Variants in CROCC observed in about 807,000 individuals in gnomAD.
CROCC encodes rootletin.
In CROCC, 180 loss-of-function variants were observed where a neutral mutation model predicts 245.2. The observed-to-expected ratio is 0.73, with a 90% CI of 0.65 to 0.83. The LOEUF is 0.83. CROCC is among the 40% of genes least tolerant of loss of function. CROCC has a pLI of 0.00. For missense variants in CROCC, 2,688 were observed against 2,779.4 expected, an observed-to-expected ratio of 0.97 and a Z score of 0.74; for synonymous variants, 1,205 against 1,241.6, an observed-to-expected ratio of 0.97 and a Z score of 0.62.
intron 35 of CROCC, 94 bp from the exon 36 acceptor site, chr1:16,971,371 T>C (rs370183617): frequency 1.6e-5 from 23 of 1,435,274 alleles, no homozygotes; most frequent in East Asian, 1.0e-4. Flanking sequence ...CCCTCTGCAC[T>C]GGCCGTGTCC....
intron 14 of CROCC, 143 bp downstream of exon 14, chr1:16,944,425 G>A: frequency 1.0e-6 from 1 of 958,326 alleles, no homozygotes; most frequent in East Asian, 2.9e-5. Context: ...TTTCTAACCA[G>A]ACCCATTTCA....
rs774406557 is a variant in CROCC, at chr1:16,969,385, C to T, written c.5301+45C>T. The T allele has an allele frequency of 4.5e-6, 7 of 1,559,042 alleles. No individual in the cohort carries two copies. In the South Asian group the frequency reaches 8.1e-5, roughly 18 times the overall value. ...GCTGGGGTGGGCCCAGTGAGAGAGT[C>T]AGCCAGTAAGAGCAGGCTTGGAGGG... On this transcript the variant is annotated intron_variant, in intron 32 of 36. Transcript: ENST00000375541.
chr1:16,963,417 G>A lies in CROCC; in HGVS notation c.4405+2287G>A, dbSNP rs75504089. 3.8e-3 allele frequency among the ~76,000 whole-genome samples: 575 copies of A among 152,132 alleles called. 19 individuals are homozygous for A. The East Asian group carries it at 0.073, about 19-fold the overall frequency. On this transcript the variant is annotated intron_variant, in intron 27 of 36. Transcript: ENST00000375541. ...AAGCAGGGGGGTGAGATTTGGGGAC[G>A]AAGGGCTTGCTCCAATAGACATTAT...
At chr1:16,919,634 C>G (rs745601969), upstream of CROCC, among the ~76,000 whole-genome samples, 9 of 152,292 alleles carry the variant, frequency 5.9e-5, no homozygotes, top group Non-Finnish European at 1.0e-4. Context: ...TTAGGGCTTA[C>G]AACTCTAAGG....
At chr1:16,923,628 G>A (rs1173452681) in intron 2 of CROCC, among the ~76,000 whole-genome samples, 8 of 151,942 alleles carry the variant, frequency 5.3e-5, no homozygotes, top group African/African-American at 9.7e-5. Context: ...TCTCTTGAGC[G>A]AGGCTTTGAT....
At chr1:16,943,921 T>C (rs2075988679) in intron 13 of CROCC, among the ~76,000 whole-genome samples, 179 bp from the exon 14 acceptor site, 1 of 152,278 alleles carries the variant, frequency 6.6e-6, no homozygotes. Context: ...CAGGTTCTTC[T>C]GCTGGAGTGT....
At position 16,972,380 on chromosome 1, in the gene CROCC, G is replaced by C; in HGVS notation, c.5988G>C (p.Gln1996His). The C allele has an allele frequency of 6.2e-7, 1 of 1,614,028 alleles. No individual in the cohort carries two copies. Among genetic ancestry groups the C allele is most frequent in the Non-Finnish European group, 8.5e-7 (1 of 1,179,934 alleles). ...CCCAGGTGTCCACACTGAAGGGCCAGCTGCAGCAGGAGCTTCGAAGGAGCT... is the reference window on the plus strand; with the variant it reads ...CCCAGGTGTCCACACTGAAGGGCCACCTGCAGCAGGAGCTTCGAAGGAGCT... ...LEEQVSTLKG[Q>H]LQQELRRSSA... Residue 1996 changes from glutamine to histidine, a missense_variant, in exon 37 of 37, where the codon CAG becomes CAC. By Grantham distance (24) the Gln-to-His change is conservative. Coordinates refer to ENST00000375541, the MANE Select transcript of CROCC (RefSeq NM_014675.5).
At chr1:16,971,751 C>A in intron 36 of CROCC, 104 bp downstream of exon 36, 1 of 1,190,260 alleles carries the variant, frequency 8.4e-7, no homozygotes. Flanking sequence ...TCGATGGCTC[C>A]CGTAACCGAA....
rs1325945859 is a variant in CROCC at position 16,946,925 on chromosome 1, G to C, written c.2448G>C (p.Glu816Asp). ...TACGAGTGGCGGAGCAGGCCCAGGA[G>C]GCATTGGAGCAGCAGCTCCCCACGC... Reference protein sequence around the residue: ...GSLRVAEQAQEALEQQLPTLR... With the variant: ...GSLRVAEQAQDALEQQLPTLR... The change falls in exon 17 of 37, where the codon GAG (glutamate) becomes GAC (aspartate). Residue 816 changes from glutamate to aspartate, a missense_variant. By Grantham distance (45) the Glu-to-Asp change is conservative (BLOSUM62 2). Transcript: ENST00000375541. The C allele has an allele frequency of 4.5e-6, 7 of 1,563,552 alleles. No homozygotes were observed. The highest frequency in any genetic ancestry group is 6.1e-6 in the Non-Finnish European group (7 of 1,154,556).
chr1:16,920,494 G>T (rs1241482822), upstream of CROCC, among the ~76,000 whole-genome samples: 1 of 152,246 alleles, frequency 6.6e-6, no homozygotes, highest in Non-Finnish European at 1.5e-5. Context: ...CACCTGGCCT[G>T]GTTTAGTCTC....
At chr1:16,927,735 C>T (rs2075568381) in intron 3 of CROCC, among the ~76,000 whole-genome samples, 2 of 152,296 alleles carry the variant, frequency 1.3e-5, no homozygotes, top group Non-Finnish European at 2.9e-5. Flanking sequence ...GCCACCGCCA[C>T]CACACACAGA....
upstream of CROCC, among the ~76,000 whole-genome samples, chr1:16,920,082 ATT>A (rs2075371375): frequency 7.9e-6 from 1 of 126,294 alleles, no homozygotes; most frequent in Admixed American, 8.0e-5. Context: ...TTATTTATTT[ATT>A]TATTTATATT....
At chr1:16,939,588 G>A (rs1289674458) in intron 12 of CROCC, among the ~76,000 whole-genome samples, 1 of 152,228 alleles carries the variant, frequency 6.6e-6, no homozygotes, top group Admixed American at 6.5e-5. Context: ...GAGGAGCCTA[G>A]GAGCCCTGGG....
chr1:16,914,757 T>G (rs1177541788), intron 1 of CROCC, among the ~76,000 whole-genome samples: 2 of 152,244 alleles, frequency 1.3e-5, no homozygotes, highest in Admixed American at 6.5e-5. Context: ...ACGAGCTCCC[T>G]CCTGATTTTC....
chr1:16,970,770 C>G lies in CROCC; in HGVS notation c.5784+3C>G. 1.3e-6 allele frequency: 2 copies of G among 1,577,164 alleles called. No homozygotes were observed. Among genetic ancestry groups the G allele is most frequent in the East Asian group, 2.2e-5 (1 of 44,544 alleles). ...AGAGGCAGATCCAGCAGCTGGAGGT[C>G]TGACCCCACCCAGTCCGGGACCCCA... On this transcript the variant is annotated splice_donor_region_variant and intron_variant, in intron 35 of 36. Transcript: ENST00000375541.
At position 16,948,769 on chromosome 1, in the gene CROCC, C is replaced by T. The variant is rs767836689; in HGVS notation, c.2709-30C>T. Reference sequence around the variant, plus strand: ...TTCCTGGGGCCAGGGAGGCTGAGTCCCAGGGCCTCAGGGACTGTATGTGCT... The same window carrying T: ...TTCCTGGGGCCAGGGAGGCTGAGTCTCAGGGCCTCAGGGACTGTATGTGCT... On this transcript the variant is annotated intron_variant, in intron 18 of 36. Transcript: ENST00000375541. 1.4e-5 allele frequency: 22 copies of T among 1,609,718 alleles called. No individual in the cohort carries two copies. The East Asian group carries it at 4.5e-4, about 33-fold the overall frequency.
chr1:16,936,457 T>G (rs1475409286), intron 8 of CROCC, among the ~76,000 whole-genome samples, 180 bp from the exon 9 acceptor site: 1 of 152,266 alleles, frequency 6.6e-6, no homozygotes, highest in Admixed American at 6.5e-5. Context: ...GTAGTAGAGA[T>G]AGGGTTTCAC....
rs746769937 is a variant in CROCC at position 16,970,661 on chromosome 1, A to G, written c.5678A>G (p.His1893Arg). 106 of 1,576,428 alleles carry G rather than the reference A, an allele frequency of 6.7e-5. 4 individuals are homozygous for G. In the South Asian group the frequency reaches 1.2e-3, roughly 17 times the overall value. ...GTGGAGCGGGAGAAGCTTCGTAGCC[A>G]TGAGGACACAGTGCGGCTGAGCGCA... ...DKVEREKLRS[H>R]EDTVRLSAEK... The change falls in exon 35 of 37, where the codon CAT (histidine) becomes CGT (arginine). Residue 1893 changes from histidine to arginine, a missense_variant. By Grantham distance (29) the His-to-Arg change is conservative. This residue lies in a region of CROCC where 1,218 missense variants were observed against 1,286.3 expected (regional missense o/e 0.95). Transcript: ENST00000375541.
At chr1:16,962,008 C>T (rs1313265943) in intron 27 of CROCC, among the ~76,000 whole-genome samples, 1 of 152,112 alleles carries the variant, frequency 6.6e-6, no homozygotes, top group Non-Finnish European at 1.5e-5. Context: ...ACTTAGGATA[C>T]CAAATACAGC....
Sources: allele counts gnomAD v4.1 joint callset (sites outside exome capture counted in the v4.1 genomes callset), GRCh38; gene constraint gnomAD v4.1.1; regional missense constraint gnomAD v4.1.1; transcripts MANE v1.5; gene names NCBI Gene and HGNC (gene_info 2026-07-23, HGNC 2026-07-21).